The following STEAP3 variants were observed in gnomAD, a reference collection of about 807,000 sequenced individuals.
STEAP3 encodes STEAP3 metalloreductase, also known as metalloreductase STEAP3.
In STEAP3, 35 loss-of-function variants were observed where a neutral mutation model predicts 34.9. That is an observed-to-expected ratio of 1.00 (90% confidence interval 0.76 to 1.33). The LOEUF is 1.33. Ranked by LOEUF, STEAP3 falls within the 40% of genes most tolerant of loss-of-function variation. The probability of loss-of-function intolerance (pLI) is 0.00; values close to 1 mark genes in which losing one functional copy is unlikely to be tolerated. For synonymous variants in STEAP3, 281 were observed against 301.6 expected (o/e 0.93, Z 0.71); for missense variants, 652 against 667.6 (o/e 0.98, Z 0.26).
At chr2:119,255,255 G>A (rs1040336411) in intron 5 of STEAP3, among the ~76,000 whole-genome samples, 13 of 152,042 alleles carry the variant, frequency 8.6e-5, no homozygotes, top group Non-Finnish European at 7.4e-5. Flanking sequence ...GAGTGAGCGA[G>A]CCTAGCCCAC....
In STEAP3 at chr2:119,263,186, C is replaced by A. The variant is rs139983521; in HGVS notation, c.1345C>A (p.Pro449Thr). The A allele has an allele frequency of 7.7e-5, 125 of 1,614,198 alleles. No individual in the cohort carries two copies. The highest frequency in any genetic ancestry group is 5.0e-4 in the Middle Eastern group (3 of 6,060). Reference protein sequence around the residue: ...PPTFTLTLLVPCVVILAKALF... With the variant: ...PPTFTLTLLVTCVVILAKALF... ...CACCTTCACGCTCACGCTGCTGGTGCCCTGCGTCGTCATCCTGGCCAAAGC... is the reference window on the plus strand; with the variant it reads ...CACCTTCACGCTCACGCTGCTGGTGACCTGCGTCGTCATCCTGGCCAAAGC... The change falls in exon 6 of 6, where the codon CCC becomes ACC. Residue 449 changes from proline to threonine, a missense_variant. By Grantham distance (38) the Pro-to-Thr change is conservative (BLOSUM62 -1). Transcript: ENST00000393110.
At chr2:119,235,190 G>T (rs1191743033) in intron 2 of STEAP3, among the ~76,000 whole-genome samples, 1 of 152,156 alleles carries the variant, frequency 6.6e-6, no homozygotes, top group Non-Finnish European at 1.5e-5. Context: ...CATGGGGTTT[G>T]TTTTATTGAC....
chr2:119,242,337 G>T (rs1170234665), intron 2 of STEAP3, among the ~76,000 whole-genome samples: 1 of 152,222 alleles, frequency 6.6e-6, no homozygotes, highest in East Asian at 1.9e-4. Flanking sequence ...GTCTCCCTGT[G>T]GTTGGGGACA....
At chr2:119,244,563 A>G (rs1482927227) in intron 2 of STEAP3, 1 of 152,092 alleles carries the variant, frequency 6.6e-6, no homozygotes, top group Non-Finnish European at 1.5e-5. Flanking sequence ...TTTGTGCTCA[A>G]TTTAAATGGT....
chr2:119,256,318 C>A (rs1677772544), intron 5 of STEAP3, among the ~76,000 whole-genome samples: 2 of 152,160 alleles, frequency 1.3e-5, no homozygotes, highest in Admixed American at 6.5e-5. Context: ...GGGCTCATGG[C>A]TGACACATGT....
intron 5 of STEAP3, chr2:119,257,308 C>A (rs1170156762): frequency 2.1e-6 from 2 of 971,370 alleles, no homozygotes; most frequent in African/African-American, 1.7e-5. Context: ...TACTGTGAGT[C>A]CCTGTCAAAT....
chr2:119,230,430 C>A (rs1016077932), intron 1 of STEAP3, among the ~76,000 whole-genome samples, 190 bp from the exon 2 acceptor site: 1 of 152,140 alleles, frequency 6.6e-6, no homozygotes, highest in East Asian at 1.9e-4. Flanking sequence ...GACAATGAAG[C>A]CTTTGTGGGC....
intron 4 of STEAP3, among the ~76,000 whole-genome samples, chr2:119,250,812 A>G (rs182002653): frequency 1.4e-4 from 22 of 152,178 alleles, no homozygotes; most frequent in African/African-American, 4.3e-4. Flanking sequence ...ATGCAAGGTA[A>G]TTTTCCCCGT....
intron 2 of STEAP3, among the ~76,000 whole-genome samples, chr2:119,238,532 G>T (rs559855650): frequency 5.3e-5 from 8 of 152,252 alleles, no homozygotes; most frequent in African/African-American, 1.4e-4. Flanking sequence ...TTAGAAACAG[G>T]TCCCCTTATC....
chr2:119,240,244 T>C (rs1295838321), intron 2 of STEAP3, among the ~76,000 whole-genome samples: 1 of 152,246 alleles, frequency 6.6e-6, no homozygotes, highest in African/African-American at 2.4e-5. Flanking sequence ...TTTAAAAAAA[T>C]TGAAGATAAC....
At position 119,265,282 on chromosome 2, in the gene STEAP3, C is replaced by G. The variant is rs1453930394; in HGVS notation, c.*1944C>G. 6.6e-6 allele frequency: 1 copy of G among 152,224 alleles called. No individual in the cohort carries two copies. Among genetic ancestry groups the G allele is most frequent in the East Asian group, 1.9e-4 (1 of 5,186 alleles). 9.4% of individuals were successfully genotyped at this position (152,224 alleles called of 1,614,324 possible). On this transcript the variant is annotated 3_prime_UTR_variant, in exon 6 of 6. Coordinates refer to ENST00000393110, the MANE Select transcript of STEAP3 (RefSeq NM_182915.3). ...CACGTCCTCCCCTTCCCACCCACCT[C>G]TGGCTGAAGGTGCTCAAGAGGGAAG...
rs142093432 is a variant in STEAP3, at chr2:119,247,833, C to A, written c.677C>A (p.Thr226Asn). The change falls in exon 4 of 6, where the codon ACC (threonine) becomes AAC (asparagine). Residue 226 changes from threonine to asparagine, a missense_variant. Coordinates refer to ENST00000393110, the MANE Select transcript of STEAP3 (RefSeq NM_182915.3). Reference protein sequence around the residue: ...LRLLPAWKVPTLLALGLFVCF... With the variant: ...LRLLPAWKVPNLLALGLFVCF... The stretch of plus-strand genomic sequence containing the variant: ...CTCCTCCCGGCCTGGAAGGTGCCCA[C>A]CCTGCTGGCCCTGGGGCTCTTCGTC... 5 of 1,613,284 alleles carry A rather than the reference C, an allele frequency of 3.1e-6. No individual in the cohort carries two copies. The highest frequency in any genetic ancestry group is 1.7e-5 in the Admixed American group (1 of 60,032).
chr2:119,227,736 G>A lies in STEAP3; in HGVS notation c.-393-2884G>A, dbSNP rs375442698. On this transcript the variant is annotated intron_variant, in intron 1 of 5. Transcript: ENST00000393110. ...TTTATTTTGTGGTGTCAGCTGTCTT[G>A]GTTCATGTGTAGACAGCAGGGCTCC... Among the ~76,000 whole-genome samples, 440 of 152,320 alleles carry A rather than the reference G, an allele frequency of 2.9e-3. 21 individuals are homozygous for A. In the South Asian group the frequency reaches 0.089, roughly 31 times the overall value.
At chr2:119,250,301 G>A (rs1203163123) in intron 4 of STEAP3, among the ~76,000 whole-genome samples, 3 of 152,204 alleles carry the variant, frequency 2.0e-5, no homozygotes, top group Non-Finnish European at 2.9e-5. Context: ...GGTGTGGGGC[G>A]GTGTGGAGGC....
In STEAP3 at chr2:119,263,331, AC is replaced by A; in HGVS notation, c.1491del (p.His497GlnfsTer57). 1.2e-6 allele frequency: 2 copies of A among 1,612,442 alleles called. No homozygotes were observed. Among genetic ancestry groups the A allele is most frequent in the Non-Finnish European group, 1.7e-6 (2 of 1,179,484 alleles). On this transcript the variant is annotated frameshift_variant, in exon 6 of 6. Transcript: ENST00000393110. LOFTEE classifies it high-confidence loss of function. The stretch of plus-strand genomic sequence containing the variant: ...CACGCCCTGGCCGAGAAGACGAGCC[AC>A]GTATGAGGTGCCTGCCCTGGGCTCT... Reference protein sequence around the residue: ...TDHALAEKTSHV With the variant: ...TDHALAEKTSXV
chr2:119,263,897 G>T lies in STEAP3; in HGVS notation c.*559G>T. ...CACCTGGGGCAGCAGCAGGAGGCCT[G>T]GGGAGGAGGAAAATCAGGCAGTCGG... On this transcript the variant is annotated 3_prime_UTR_variant, in exon 6 of 6. Coordinates refer to ENST00000393110, the MANE Select transcript of STEAP3 (RefSeq NM_182915.3). 1 of 179,386 alleles carries T rather than the reference G, an allele frequency of 5.6e-6. No individual in the cohort carries two copies. Among genetic ancestry groups the T allele is most frequent in the South Asian group, 1.2e-4 (1 of 8,580 alleles). The allele number at this position is 179,386 out of a possible 1,614,324, so 11.1% of individuals were successfully genotyped here.
At chr2:119,236,572 C>T (rs1338180383) in intron 2 of STEAP3, among the ~76,000 whole-genome samples, 1 of 152,182 alleles carries the variant, frequency 6.6e-6, no homozygotes, top group Non-Finnish European at 1.5e-5. Flanking sequence ...CCAATTGTGG[C>T]TTCAGCTGTG....
At chr2:119,257,571 CG>C (rs1677811775) in intron 5 of STEAP3, 1 of 1,542,668 alleles carries the variant, frequency 6.5e-7, no homozygotes, top group East Asian at 2.5e-5. Flanking sequence ...CCTAGGCCCT[CG>C]GAGCTTCTGC....
intron 5 of STEAP3, among the ~76,000 whole-genome samples, chr2:119,256,663 G>A (rs751658505): frequency 2.6e-5 from 4 of 152,196 alleles, no homozygotes; most frequent in Non-Finnish European, 4.4e-5. Flanking sequence ...AGCAGGGGGG[G>A]TTAGGTGGGT....
Sources: gnomAD v4.1 joint callset for allele counts (sites outside exome capture counted in the v4.1 genomes callset) on GRCh38, gnomAD v4.1.1 for gene constraint, MANE v1.5 for transcripts, NCBI Gene and HGNC (gene_info 2026-07-23, HGNC 2026-07-21) for gene names.